Variants in ITPKB observed in about 807,000 individuals in gnomAD.
ITPKB encodes the protein IP3 3-kinase B.
In ITPKB, 13 loss-of-function variants were observed where a neutral mutation model predicts 69.4. The observed-to-expected ratio is 0.19, with a 90% confidence interval of 0.12 to 0.30. The LOEUF is 0.30. ITPKB is among the 10% of genes least tolerant of loss of function. The probability of loss-of-function intolerance (pLI) is 1.00; values close to 1 mark genes in which losing one functional copy is unlikely to be tolerated. For missense variants in ITPKB, 1,240 were observed against 1,250.5 expected (o/e 0.99, Z 0.13); for synonymous variants, 584 against 513.7 (o/e 1.14, Z -1.85).
intron 2 of ITPKB, chr1:226,656,878 C>T (rs1669302163): frequency 6.6e-6 from 1 of 152,262 alleles, no homozygotes; most frequent in Admixed American, 6.5e-5. Context: ...CAGGCACAAA[C>T]AGCTGCTCTG....
chr1:226,736,070 G>C lies in ITPKB; in HGVS notation c.1389C>G (p.Thr463=), dbSNP rs760727505. 6 of 1,612,712 alleles carry C rather than the reference G, an allele frequency of 3.7e-6. No homozygotes were observed. Among genetic ancestry groups the C allele is most frequent in the Non-Finnish European group, 5.1e-6 (6 of 1,179,694 alleles). ...LGGSPSAQPG[T]GNVEAGIPSG... is the part of the protein sequence containing the mutation. The stretch of plus-strand genomic sequence containing the variant: ...AAGGAATTCCCGCCTCCACATTCCC[G>C]GTCCCCGGCTGTGCTGAGGGGCTGC... The change falls in exon 2 of 8, where the codon ACC becomes ACG. Residue 463 remains threonine, a synonymous_variant. Coordinates refer to ENST00000429204, the MANE Select transcript of ITPKB (RefSeq NM_002221.4).
intron 5 of ITPKB, among the ~76,000 whole-genome samples, chr1:226,640,785 G>A (rs1386309063): frequency 6.6e-6 from 1 of 152,180 alleles, no homozygotes; most frequent in South Asian, 2.1e-4. Context: ...GACAAAGAAG[G>A]GGGCAAATGC....
At chr1:226,733,002 G>A (rs182133071) in intron 2 of ITPKB, among the ~76,000 whole-genome samples, 1 of 152,310 alleles carries the variant, frequency 6.6e-6, no homozygotes, top group African/African-American at 2.4e-5. Flanking sequence ...TCTGTGGGAA[G>A]GTAGGGCAGC....
intron 2 of ITPKB, among the ~76,000 whole-genome samples, chr1:226,723,151 G>A (rs1657296106): frequency 6.6e-6 from 1 of 152,002 alleles, no homozygotes; most frequent in Non-Finnish European, 1.5e-5. Context: ...GAGCTGGTGT[G>A]CTCGGGGTTC....
chr1:226,635,098 A>G (rs1391206435), intron 7 of ITPKB, among the ~76,000 whole-genome samples: 1 of 151,856 alleles, frequency 6.6e-6, no homozygotes, highest in Non-Finnish European at 1.5e-5. Flanking sequence ...GTCGGCGACC[A>G]CCCTTCTGTG....
intron 2 of ITPKB, among the ~76,000 whole-genome samples, chr1:226,713,097 AATATACACAC>A (rs1184549400): frequency 2.0e-5 from 3 of 151,986 alleles, no homozygotes; most frequent in Non-Finnish European, 1.5e-5. Flanking sequence ...TGCGCAAATA[AATATACACAC>A]ATATACACAC....
At position 226,737,571 on chromosome 1, in the gene ITPKB, C is replaced by A; in HGVS notation, c.-113G>T. The A allele has an allele frequency of 1.7e-6, 2 of 1,211,334 alleles. No individual in the cohort carries two copies. Among genetic ancestry groups the A allele is most frequent in the Non-Finnish European group, 2.0e-6 (2 of 977,046 alleles). 75.0% of individuals were successfully genotyped at this position (1,211,334 alleles called of 1,614,324 possible). ...CCCGGAGGCCCGGCAGCCGCGGCTCCGCGCGCAGATGGGGCGGCATGGCCT... is the reference window on the plus strand; with the variant it reads ...CCCGGAGGCCCGGCAGCCGCGGCTCAGCGCGCAGATGGGGCGGCATGGCCT... On this transcript the variant is annotated 5_prime_UTR_variant, in exon 2 of 8. An upstream open reading frame in the 5' UTR gains an earlier in-frame stop. Coordinates refer to ENST00000429204, the MANE Select transcript of ITPKB (RefSeq NM_002221.4).
At chr1:226,682,163 G>A (rs1468512389) in intron 2 of ITPKB, among the ~76,000 whole-genome samples, 2 of 151,852 alleles carry the variant, frequency 1.3e-5, no homozygotes, top group African/African-American at 4.9e-5. Flanking sequence ...TGTTGCCTGG[G>A]TCCCCCCCCG....
intron 4 of ITPKB, among the ~76,000 whole-genome samples, chr1:226,646,811 C>T (rs1669071969): frequency 6.6e-6 from 1 of 152,190 alleles, no homozygotes; most frequent in Admixed American, 6.5e-5. Context: ...CCTGCGACCT[C>T]CCTACCTGGT....
At chr1:226,674,486 T>C (rs572011100) in intron 2 of ITPKB, among the ~76,000 whole-genome samples, 27 of 152,182 alleles carry the variant, frequency 1.8e-4, no homozygotes, top group Admixed American at 1.6e-3. Context: ...CGTGAGCCAC[T>C]GTGCCTGGCC....
At position 226,701,621 on chromosome 1, in the gene ITPKB, A is replaced by C. The variant is rs927140425; in HGVS notation, c.1932+33906T>G. On this transcript the variant is annotated intron_variant, in intron 2 of 7. Transcript: ENST00000429204. ...TCCGTCTCAAAAAAAAAAAAAAAAA[A>C]AAAAAAAAAACTTCACTTTACCCAT... Among the ~76,000 whole-genome samples the C allele has an allele frequency of 4.6e-5, 7 of 151,398 alleles. No homozygotes were observed. The South Asian group carries it at 6.2e-4, about 13-fold the overall frequency.
At chr1:226,718,132 A>G (rs1025993423) in intron 2 of ITPKB, among the ~76,000 whole-genome samples, 2 of 151,956 alleles carry the variant, frequency 1.3e-5, no homozygotes, top group African/African-American at 4.8e-5. Context: ...CGTCTCTACT[A>G]AAAATACAAA....
At chr1:226,709,673 T>C (rs1433334486) in intron 2 of ITPKB, among the ~76,000 whole-genome samples, 2 of 152,124 alleles carry the variant, frequency 1.3e-5, no homozygotes, top group African/African-American at 2.4e-5. Context: ...GAAACTTCCA[T>C]GACTGGGGAC....
chr1:226,738,479 C>CACGCGTGTGTGTAT lies in ITPKB; in HGVS notation c.-206+548_-206+561dup, dbSNP rs1212219275. Among the ~76,000 whole-genome samples, 3 of 152,262 alleles carry CACGCGTGTGTGTAT rather than the reference C, an allele frequency of 2.0e-5. No homozygotes were observed. Among genetic ancestry groups the CACGCGTGTGTGTAT allele is most frequent in the African/African-American group, 7.2e-5 (3 of 41,584 alleles). On this transcript the variant is annotated intron_variant, in intron 1 of 7. Transcript: ENST00000429204. This position sits in a 1 kb window ranked among gnomAD's most constrained non-coding sequence, Gnocchi z 4.2. The stretch of plus-strand genomic sequence containing the variant: ...GGGTGTCTGTGAGTGTGTGTGTATA[C>CACGCGTGTGTGTAT]ACGCGTGTGTGTATACGCCGCACGC...
At chr1:226,647,743 G>T (rs904345177) in intron 3 of ITPKB, among the ~76,000 whole-genome samples, 1 of 152,250 alleles carries the variant, frequency 6.6e-6, no homozygotes, top group Non-Finnish European at 1.5e-5. Flanking sequence ...GGCAACGAAG[G>T]TGTCTCCTGG....
At chr1:226,684,128 T>C (rs1656147986) in intron 2 of ITPKB, among the ~76,000 whole-genome samples, 1 of 152,002 alleles carries the variant, frequency 6.6e-6, no homozygotes, top group Admixed American at 6.5e-5. Context: ...CACCAAGAAT[T>C]CTCTCTCACC....
chr1:226,703,308 C>T (rs560159245), intron 2 of ITPKB, among the ~76,000 whole-genome samples: 69 of 152,360 alleles, frequency 4.5e-4, no homozygotes, highest in African/African-American at 1.5e-3. Context: ...GCCTCCATTT[C>T]TCACTCGATT....
intron 2 of ITPKB, among the ~76,000 whole-genome samples, chr1:226,712,513 A>G (rs1424572896): frequency 6.6e-6 from 1 of 152,210 alleles, no homozygotes; most frequent in African/African-American, 2.4e-5. Flanking sequence ...CACTTCCTAC[A>G]TAGCTGTATG....
intron 2 of ITPKB, chr1:226,676,079 C>G (rs779418742): frequency 6.6e-6 from 1 of 152,226 alleles, no homozygotes; most frequent in African/African-American, 2.4e-5. Flanking sequence ...GGCTAATTTG[C>G]CTGCTTGGAG....
Sources: allele counts gnomAD v4.1 joint callset (sites outside exome capture counted in the v4.1 genomes callset), GRCh38; gene constraint gnomAD v4.1.1; non-coding constraint Gnocchi (gnomAD v3.1); transcripts MANE v1.5; gene names NCBI Gene and HGNC (gene_info 2026-07-23, HGNC 2026-07-21).